DNAH5: variants seen among roughly 807,000 people sequenced by gnomAD.
The protein encoded by DNAH5 is dynein axonemal heavy chain 5, also known as axonemal beta dynein heavy chain 5.
In DNAH5, 372 loss-of-function variants were observed where a neutral mutation model predicts 518.2. The observed-to-expected ratio is 0.72, with a 90% CI of 0.66 to 0.78. The LOEUF is 0.78. Ranked by LOEUF, DNAH5 falls within the 30% of genes least tolerant of loss-of-function variation. The pLI, the probability that DNAH5 is intolerant of heterozygous loss-of-function variation, is 0.00. For synonymous variants in DNAH5, 2,039 were observed against 2,025.9 expected (o/e 1.01, Z -0.17); for missense variants, 5,523 against 5,687.0 (o/e 0.97, Z 0.93).
intron 65 of DNAH5, among the ~76,000 whole-genome samples, chr5:13,739,529 T>C (rs1748102123): frequency 6.6e-6 from 1 of 152,178 alleles, no homozygotes; most frequent in East Asian, 1.9e-4. Flanking sequence ...CGGGTATTTC[T>C]TCATACCAGT....
upstream of DNAH5, among the ~76,000 whole-genome samples, chr5:13,946,563 T>A (rs1158743992): frequency 6.6e-6 from 1 of 152,136 alleles, no homozygotes; most frequent in Non-Finnish European, 1.5e-5. Context: ...CATTGTTCGG[T>A]AGGAAACTCA....
chr5:13,986,814 A>G (rs1366605233), intron 1 of DNAH5, among the ~76,000 whole-genome samples: 1 of 152,176 alleles, frequency 6.6e-6, no homozygotes, highest in Non-Finnish European at 1.5e-5. Context: ...TTGTTAGAAA[A>G]CAAAGTAAGA....
intron 31 of DNAH5, among the ~76,000 whole-genome samples, chr5:13,848,238 T>G (rs1035600409): frequency 1.3e-5 from 2 of 152,204 alleles, no homozygotes; most frequent in Non-Finnish European, 2.9e-5. Flanking sequence ...AATCTTTATG[T>G]TAGAAGAATT....
chr5:13,826,026 T>C (rs573631376), intron 38 of DNAH5, among the ~76,000 whole-genome samples: 44 of 152,136 alleles, frequency 2.9e-4, no homozygotes, highest in Admixed American at 5.2e-4. Context: ...CTAATAAAGA[T>C]AATAAAATAG....
chr5:13,698,312 G>T (rs1561068221), intron 78 of DNAH5, among the ~76,000 whole-genome samples: 1 of 152,170 alleles, frequency 6.6e-6, no homozygotes, highest in Non-Finnish European at 1.5e-5. Context: ...AGAGAAACAA[G>T]AAGTATCTGA....
At chr5:13,705,458 A>G (rs10054491) in intron 76 of DNAH5, among the ~76,000 whole-genome samples, 58,506 of 151,840 alleles carry the variant, frequency 0.39, 11,350 homozygotes, top group Middle Eastern at 0.44. Flanking sequence ...ATAAATATAT[A>G]TAATTTTTGT....
At chr5:13,778,027 T>C (rs1410056211) in intron 53 of DNAH5, among the ~76,000 whole-genome samples, 2 of 152,150 alleles carry the variant, frequency 1.3e-5, no homozygotes, top group African/African-American at 4.8e-5. Context: ...ATGCCAAAAG[T>C]ATAAATAAAA....
chr5:13,787,460 C>CA (rs1756237135), intron 51 of DNAH5, among the ~76,000 whole-genome samples: 1 of 152,106 alleles, frequency 6.6e-6, no homozygotes, highest in African/African-American at 2.4e-5. Flanking sequence ...TTAACACAAT[C>CA]ATGAAGATTG....
chr5:13,820,489 G>C lies in DNAH5; in HGVS notation c.6698C>G (p.Ala2233Gly). The C allele has an allele frequency of 6.2e-7, 1 of 1,613,974 alleles. No individual in the cohort carries two copies. The highest frequency in any genetic ancestry group is 8.5e-7 in the Non-Finnish European group (1 of 1,180,008). The stretch of plus-strand genomic sequence containing the variant: ...CCAAGGAGGATGGTTGATTAAACCA[G>C]CTTCTTCAACCTGAAAACATAAGAG... ...EAAISRQVEEAGLINHPPWKL... is the reference protein window; with the variant it reads ...EAAISRQVEEGGLINHPPWKL... The change falls in exon 41 of 79, where the codon GCT becomes GGT. Residue 2233 changes from alanine (A) to glycine (G), a missense_variant. Ala to Gly is a moderately conservative substitution (Grantham distance 60). Transcript: ENST00000265104.
chr5:13,738,335 T>A (rs1747884580), intron 65 of DNAH5, among the ~76,000 whole-genome samples: 1 of 152,188 alleles, frequency 6.6e-6, no homozygotes, highest in Admixed American at 6.5e-5. Flanking sequence ...TCTGTCTACT[T>A]TCTTAAGAGA....
intron 67 of DNAH5, 77 bp from the exon 68 acceptor site, chr5:13,735,398 G>T: frequency 7.2e-7 from 1 of 1,382,250 alleles, no homozygotes; most frequent in Non-Finnish European, 1.0e-6. Context: ...GTCTTTAATG[G>T]AAAATAAGTA....
At chr5:13,832,616 C>T (rs114274783) in intron 35 of DNAH5, among the ~76,000 whole-genome samples, 360 of 152,300 alleles carry the variant, frequency 2.4e-3, no homozygotes, top group African/African-American at 8.5e-3. Flanking sequence ...TTTTAGTTTT[C>T]TAACCTTCAG....
At chr5:13,935,937 C>G (rs571303729) in intron 1 of DNAH5, among the ~76,000 whole-genome samples, 1 of 152,166 alleles carries the variant, frequency 6.6e-6, no homozygotes, top group African/African-American at 2.4e-5. Flanking sequence ...GAAAAAGCAC[C>G]AGTGAATAGG....
chr5:13,921,756 C>CCCCACA (rs562419104), intron 5 of DNAH5, among the ~76,000 whole-genome samples: 7 of 145,156 alleles, frequency 4.8e-5, no homozygotes, highest in Non-Finnish European at 1.1e-4. Context: ...ACACACCCCC[C>CCCCACA]CACACACACA....
At chr5:13,717,171 G>A (rs1744411011) in intron 73 of DNAH5, 144 bp downstream of exon 73, 2 of 756,442 alleles carry the variant, frequency 2.6e-6, no homozygotes, top group South Asian at 1.5e-5. Context: ...AGGCAAGTGT[G>A]ACCCAAATTG....
At chr5:13,880,337 A>G (rs1329736741) in intron 21 of DNAH5, among the ~76,000 whole-genome samples, 1 of 152,174 alleles carries the variant, frequency 6.6e-6, no homozygotes, top group African/African-American at 2.4e-5. Context: ...CTTATTAGTA[A>G]CATGAAAACA....
chr5:13,825,308 C>A (rs559690634), intron 38 of DNAH5, among the ~76,000 whole-genome samples: 1 of 151,990 alleles, frequency 6.6e-6, no homozygotes, highest in African/African-American at 2.4e-5. Flanking sequence ...AGCACTTGCA[C>A]TCCAGCCTGG....
Position 13,794,122 on chromosome 5 carries a change from TA to T in DNAH5, c.7888-65del, listed in dbSNP as rs1580278701. 8.0e-5 allele frequency: 128 copies of T among 1,607,230 alleles called. 1 individual carries two copies. In the East Asian group the frequency reaches 2.8e-3, roughly 35 times the overall value. Reference sequence around the variant, plus strand: ...TCCCCTAAAACCTGGTCAATTATTTTAAAAAACAACAAAAACTGGTAACCTT... The same window carrying T: ...TCCCCTAAAACCTGGTCAATTATTTTAAAAACAACAAAAACTGGTAACCTT... On this transcript the variant is annotated intron_variant, in intron 47 of 78. Transcript: ENST00000265104.
At chr5:13,725,033 T>C (rs1320428172) in intron 70 of DNAH5, among the ~76,000 whole-genome samples, 1 of 152,210 alleles carries the variant, frequency 6.6e-6, no homozygotes, top group Non-Finnish European at 1.5e-5. Context: ...CCTTGGTCCA[T>C]GACCCTCTCC....
Sources: gnomAD v4.1 joint callset for allele counts (sites outside exome capture counted in the v4.1 genomes callset) on GRCh38, gnomAD v4.1.1 for gene constraint, MANE v1.5 for transcripts, NCBI Gene and HGNC (gene_info 2026-07-23, HGNC 2026-07-21) for gene names.